Variants in AKAP7 observed in about 807,000 individuals in gnomAD.
AKAP7 encodes the protein A-kinase anchoring protein 7.
Under a neutral mutation model 39.5 loss-of-function variants are expected in AKAP7, and 39 were observed. The ratio of observed to expected loss-of-function variants is 0.99; its 90% CI spans 0.76 to 1.29. The LOEUF is 1.29. Among genes scored for constraint, AKAP7 ranks in the 50% most tolerant of loss-of-function variants. AKAP7 has a pLI of 0.00. For missense variants in AKAP7, 414 were observed against 407.7 expected (o/e 1.02, Z -0.13); for synonymous variants, 140 against 139.1 (o/e 1.01, Z -0.05).
chr6:131,271,615 T>G (rs1384390221), intron 7 of AKAP7, among the ~76,000 whole-genome samples: 2 of 152,124 alleles, frequency 1.3e-5, no homozygotes, highest in African/African-American at 4.8e-5. Flanking sequence ...AGTAGTGCCG[T>G]CATAGTTCAC....
chr6:131,219,066 A>G (rs1374324323), intron 6 of AKAP7, among the ~76,000 whole-genome samples: 1 of 152,118 alleles, frequency 6.6e-6, no homozygotes, highest in African/African-American at 2.4e-5. Context: ...CTGGAGATCA[A>G]GACCATCCTG....
At chr6:131,276,315 T>G (rs1263802687) in intron 7 of AKAP7, among the ~76,000 whole-genome samples, 1 of 152,034 alleles carries the variant, frequency 6.6e-6, no homozygotes, top group Non-Finnish European at 1.5e-5. Flanking sequence ...GGGAGCTGTA[T>G]TTGCAGGAAC....
chr6:131,129,992 A>C, the AKAP7 span, among the ~76,000 whole-genome samples: 3 of 152,232 alleles, frequency 2.0e-5, no homozygotes, highest in African/African-American at 7.2e-5. Context: ...AAGAGAAATG[A>C]GGGACCTGAA....
intron 2 of AKAP7, among the ~76,000 whole-genome samples, chr6:131,150,672 A>G (rs1228479338): frequency 1.3e-5 from 2 of 152,178 alleles, no homozygotes; most frequent in Non-Finnish European, 2.9e-5. Flanking sequence ...AATACAACAC[A>G]TATTTATTGA....
chr6:131,172,884 T>A (rs907356670), intron 5 of AKAP7, among the ~76,000 whole-genome samples: 7 of 152,184 alleles, frequency 4.6e-5, no homozygotes, highest in African/African-American at 1.7e-4. Flanking sequence ...TCTTGTTAAA[T>A]AACATGAGTT....
chr6:131,259,074 G>A (rs954010448), intron 7 of AKAP7, among the ~76,000 whole-genome samples: 6 of 152,180 alleles, frequency 3.9e-5, no homozygotes, highest in Non-Finnish European at 8.8e-5. Flanking sequence ...TCCTGACTTC[G>A]AGGTCAGATA....
chr6:131,276,991 T>C (rs1814796677), intron 7 of AKAP7, among the ~76,000 whole-genome samples: 1 of 152,210 alleles, frequency 6.6e-6, no homozygotes, highest in Admixed American at 6.5e-5. Flanking sequence ...TAAAATATTT[T>C]TGCTACCACA....
chr6:131,215,310 C>A (rs1038326956), intron 6 of AKAP7, among the ~76,000 whole-genome samples: 1 of 152,234 alleles, frequency 6.6e-6, no homozygotes, highest in Non-Finnish European at 1.5e-5. Flanking sequence ...TGGCCCAGAG[C>A]GGCCAGAGGA....
At chr6:131,194,022 TTTTG>T (rs1259711682) in intron 5 of AKAP7, among the ~76,000 whole-genome samples, 1 of 152,060 alleles carries the variant, frequency 6.6e-6, no homozygotes. Context: ...TTTTTTTGTA[TTTTG>T]TTTCAGTTTC....
intron 6 of AKAP7, among the ~76,000 whole-genome samples, chr6:131,201,912 G>A (rs1807606556): frequency 6.6e-6 from 1 of 152,058 alleles, no homozygotes; most frequent in African/African-American, 2.4e-5. Context: ...TAGATATGCA[G>A]CGTTATCAAC....
At chr6:131,271,386 T>G (rs61477029) in intron 7 of AKAP7, among the ~76,000 whole-genome samples, 5,252 of 152,210 alleles carry the variant, frequency 0.035, 283 homozygotes, top group African/African-American at 0.12. Flanking sequence ...TTGCGGATTT[T>G]TTTTGTTTTG....
chr6:131,145,135 G>C (rs1801376213), intron 1 of AKAP7, 150 bp from the exon 2 acceptor site: 1 of 438,524 alleles, frequency 2.3e-6, no homozygotes, highest in Admixed American at 4.4e-5. Flanking sequence ...TATATAAATA[G>C]CTTTATGATA....
chr6:131,206,327 A>AGAAAAT (rs1808094715), intron 6 of AKAP7, among the ~76,000 whole-genome samples: 1 of 152,214 alleles, frequency 6.6e-6, no homozygotes, highest in African/African-American at 2.4e-5. Context: ...TTACAGAGTC[A>AGAAAAT]GAAAATGAGA....
At chr6:131,171,244 A>C (rs1206286405) in intron 5 of AKAP7, among the ~76,000 whole-genome samples, 1 of 152,218 alleles carries the variant, frequency 6.6e-6, no homozygotes, top group Non-Finnish European at 1.5e-5. Context: ...ACAGTGCAAT[A>C]TAATAATAAC....
At chr6:131,260,378 A>G (rs1351529107) in intron 7 of AKAP7, among the ~76,000 whole-genome samples, 1 of 152,166 alleles carries the variant, frequency 6.6e-6, no homozygotes, top group African/African-American at 2.4e-5. Flanking sequence ...AGGAATCTCC[A>G]CACTGTCTTC....
In AKAP7 at chr6:131,145,406, T is replaced by C. The variant is rs749939494; in HGVS notation, c.141T>C (p.Asp47=). Residue 47 remains aspartate (D), a synonymous_variant, in exon 2 of 8, where the codon GAT becomes GAC. Coordinates refer to ENST00000431975, the MANE Select transcript of AKAP7 (RefSeq NM_016377.4). The part of the protein sequence containing the change: ...DMPFATVDIQ[D]DCGITDEPQI... ...CATTTGCTACTGTAGATATTCAGGA[T>C]GACTGTGGAAGTAAGTACTTTATTA... 5.6e-5 allele frequency: 86 copies of C among 1,529,012 alleles called. No homozygotes were observed. The highest frequency in any genetic ancestry group is 6.9e-5 in the Non-Finnish European group (78 of 1,135,748). 94.7% of individuals were successfully genotyped at this position (1,529,012 alleles called of 1,614,324 possible).
rs777406665 is a variant in AKAP7 at position 131,223,249 on chromosome 6, A to G, written c.850+3441A>G. Among the ~76,000 whole-genome samples, 27 of 152,206 alleles carry G rather than the reference A, an allele frequency of 1.8e-4. 1 individual carries two copies. The highest frequency in any genetic ancestry group is 1.5e-3 in the Admixed American group (23 of 15,278). Reference sequence around the variant, plus strand: ...CATAATACCTCTGAGGTATGCCTGTATATGTAGCTAAATATTGCAAGGTCT... The same window carrying G: ...CATAATACCTCTGAGGTATGCCTGTGTATGTAGCTAAATATTGCAAGGTCT... On this transcript the variant is annotated intron_variant, in intron 7 of 7. Transcript: ENST00000431975.
chr6:131,139,154 C>A (rs927435036), intron 1 of AKAP7, among the ~76,000 whole-genome samples: 6 of 152,284 alleles, frequency 3.9e-5, no homozygotes, highest in Middle Eastern at 3.4e-3. Context: ...AACCTTTGCC[C>A]AAACACTAGA....
At chr6:131,150,743 G>A (rs572201447) in intron 2 of AKAP7, among the ~76,000 whole-genome samples, 12 of 152,290 alleles carry the variant, frequency 7.9e-5, no homozygotes, top group African/African-American at 2.6e-4. Context: ...TTCAGCTAGT[G>A]TGTACTTTTT....
Sources: allele counts gnomAD v4.1 joint callset (sites outside exome capture counted in the v4.1 genomes callset), GRCh38; gene constraint gnomAD v4.1.1; transcripts MANE v1.5; gene names NCBI Gene and HGNC (gene_info 2026-07-23, HGNC 2026-07-21).